Variants in INTS14 observed in about 807,000 individuals in gnomAD.
INTS14 encodes the protein UPF0464 protein C15orf44.
A neutral mutation model predicts 56.9 loss-of-function variants in INTS14; 27 were observed. The observed-to-expected ratio is 0.47, with a 90% CI of 0.35 to 0.65. INTS14 has a LOEUF of 0.65. Ranked by LOEUF, INTS14 falls within the 30% of genes least tolerant of loss-of-function variation. The pLI is 0.00. For missense variants in INTS14, 517 were observed against 632.2 expected (o/e 0.82, Z 1.95); for synonymous variants, 207 against 236.2 (o/e 0.88, Z 1.13).
Position 65,584,809 on chromosome 15 carries a change from G to T in INTS14, c.1200C>A (p.Ala400=). 1 of 1,613,324 alleles carries T rather than the reference G, an allele frequency of 6.2e-7. No homozygotes were observed. The highest frequency in any genetic ancestry group is 8.5e-7 in the Non-Finnish European group (1 of 1,179,636). Residue 400 remains alanine (A), a synonymous_variant, in exon 10 of 12, where the codon GCC becomes GCA. Transcript: ENST00000313182. The part of the protein sequence containing the change: ...PLQPKNKRSY[A]QNVTVWIKPS... ...GTTTGATCCAGACAGTCACATTCTG[G>T]GCATAACTGCGTTTGTTTTTGGGCT...
At position 65,591,718 on chromosome 15, in the gene INTS14, C is replaced by T. The variant is rs1163420510; in HGVS notation, c.1000G>A (p.Gly334Arg). 1 of 1,613,958 alleles carries T rather than the reference C, an allele frequency of 6.2e-7. No homozygotes were observed. Among genetic ancestry groups the T allele is most frequent in the Admixed American group, 1.7e-5 (1 of 60,006 alleles). ...CTGTCAGCTTGGGAGTAGAGCATTCCATGCCATTCAGGACTAGATGGAGAG... is the reference window on the plus strand; with the variant it reads ...CTGTCAGCTTGGGAGTAGAGCATTCTATGCCATTCAGGACTAGATGGAGAG... ...AIVQLGPEWH[G>R]MLYSQADSKK... The change falls in exon 9 of 12, where the codon GGA becomes AGA. Residue 334 changes from glycine (G) to arginine (R), a missense_variant. Coordinates refer to ENST00000313182, the MANE Select transcript of INTS14 (RefSeq NM_001394796.1).
intron 1 of INTS14, among the ~76,000 whole-genome samples, chr15:65,608,145 G>A (rs1337980890): frequency 6.6e-6 from 1 of 152,086 alleles, no homozygotes; most frequent in Non-Finnish European, 1.5e-5. Context: ...AGAGGCCCAG[G>A]TGGGCGGATC....
intron 6 of INTS14, among the ~76,000 whole-genome samples, chr15:65,596,854 G>A (rs1394055031): frequency 1.3e-5 from 2 of 152,134 alleles, no homozygotes; most frequent in South Asian, 2.1e-4. Flanking sequence ...GTGAGCCACC[G>A]TGCCCGACCC....
chr15:65,605,326 A>T, intron 2 of INTS14, 90 bp from the exon 3 acceptor site: 2 of 915,768 alleles, frequency 2.2e-6, no homozygotes, highest in African/African-American at 1.6e-5. Context: ...TATGAATGTT[A>T]CACAGGGGAC....
intron 9 of INTS14, chr15:65,586,815 G>C (rs1273672986): frequency 1.3e-5 from 2 of 152,106 alleles, no homozygotes; most frequent in Non-Finnish European, 2.9e-5. Flanking sequence ...AAGGAGAACA[G>C]AGAATACAGA....
At chr15:65,610,362 T>TG (rs527260105) in intron 1 of INTS14, among the ~76,000 whole-genome samples, 199 of 152,004 alleles carry the variant, frequency 1.3e-3, no homozygotes, top group African/African-American at 4.5e-3. Context: ...CCGTCTTGGG[T>TG]GGGGGGGAAT....
At chr15:65,610,614 C>T in intron 1 of INTS14, 1 of 1,475,402 alleles carries the variant, frequency 6.8e-7, no homozygotes, top group Non-Finnish European at 9.2e-7. Context: ...ATAATTAGCT[C>T]ATTCATAAAG....
chr15:65,581,363 G>C (rs1438428851), intron 11 of INTS14, among the ~76,000 whole-genome samples: 2 of 138,462 alleles, frequency 1.4e-5, no homozygotes, highest in East Asian at 3.9e-4. Context: ...CTGGCCGACA[G>C]AGTGAGACTC....
intron 11 of INTS14, among the ~76,000 whole-genome samples, chr15:65,581,646 C>T (rs1321088263): frequency 2.0e-5 from 3 of 150,960 alleles, no homozygotes; most frequent in East Asian, 3.9e-4. Context: ...CCTGGATACC[C>T]ATATAGGAGT....
rs1219016162 is a variant in INTS14 at position 65,589,545 on chromosome 15, A to G, written c.1120+2053T>C. 2.0e-5 allele frequency among the ~76,000 whole-genome samples: 3 copies of G among 152,212 alleles called. 1 individual carries two copies. Among genetic ancestry groups the G allele is most frequent in the African/African-American group, 7.2e-5 (3 of 41,450 alleles). ...TATACACTAAATTATTGTGAGCAAT[A>G]TTCAGGCTACCATGCTACAGAGCAC... On this transcript the variant is annotated intron_variant, in intron 9 of 11. Coordinates refer to ENST00000313182, the MANE Select transcript of INTS14 (RefSeq NM_001394796.1).
chr15:65,599,985 T>G (rs927033325), intron 3 of INTS14, 56 bp from the exon 4 acceptor site: 7 of 1,559,888 alleles, frequency 4.5e-6, no homozygotes, highest in Admixed American at 1.8e-5. Flanking sequence ...TTTAACGCAG[T>G]CCCATTTAGC....
At chr15:65,598,169 T>C in intron 6 of INTS14, 152 bp downstream of exon 6, 1 of 719,912 alleles carries the variant, frequency 1.4e-6, no homozygotes. Context: ...AGCACCTCTG[T>C]TCCCAAGCAT....
At chr15:65,592,549 G>T (rs540711190) in intron 8 of INTS14, among the ~76,000 whole-genome samples, 3 of 152,270 alleles carry the variant, frequency 2.0e-5, no homozygotes, top group South Asian at 2.1e-4. Context: ...AAGAATCATG[G>T]TTCTTTCATT....
intron 4 of INTS14, chr15:65,599,511 CA>C: frequency 1.0e-5 from 3 of 287,696 alleles, no homozygotes; most frequent in Non-Finnish European, 1.3e-5. Flanking sequence ...TGAACAACAC[CA>C]AAAAGAACAC....
intron 1 of INTS14, among the ~76,000 whole-genome samples, chr15:65,608,361 T>C (rs1377445455): frequency 3.5e-5 from 3 of 84,646 alleles, no homozygotes; most frequent in African/African-American, 1.6e-4. Flanking sequence ...GAAGGCTCCA[T>C]CTCAAAAAAA....
chr15:65,594,129 A>G (rs2073127093), intron 7 of INTS14, among the ~76,000 whole-genome samples: 2 of 152,216 alleles, frequency 1.3e-5, no homozygotes, highest in Non-Finnish European at 2.9e-5. Context: ...GTGCATTCAT[A>G]ACCAACAGGC....
chr15:65,589,595 G>GT (rs969223237), intron 9 of INTS14, among the ~76,000 whole-genome samples: 1 of 152,096 alleles, frequency 6.6e-6, no homozygotes, highest in African/African-American at 2.4e-5. Flanking sequence ...CCTAACAGCT[G>GT]TAACTTTGTA....
intron 11 of INTS14, among the ~76,000 whole-genome samples, chr15:65,580,392 A>T (rs1266146775): frequency 6.6e-6 from 1 of 152,136 alleles, no homozygotes; most frequent in African/African-American, 2.4e-5. Flanking sequence ...ATCATCTGTT[A>T]AAAAAGTGGA....
chr15:65,596,227 CTG>C (rs1436806069), intron 6 of INTS14, among the ~76,000 whole-genome samples: 2 of 152,186 alleles, frequency 1.3e-5, no homozygotes, highest in Admixed American at 1.3e-4. Flanking sequence ...AAACATCTCT[CTG>C]AGAAAGAACT....
Sources: gnomAD v4.1 joint callset for allele counts (sites outside exome capture counted in the v4.1 genomes callset) on GRCh38, gnomAD v4.1.1 for gene constraint, MANE v1.5 for transcripts, NCBI Gene and HGNC (gene_info 2026-07-23, HGNC 2026-07-21) for gene names.